The following DPP10 variants were observed in gnomAD, a reference collection of about 807,000 sequenced individuals.
DPP10 encodes inactive dipeptidyl peptidase 10.
In DPP10, 33 loss-of-function variants were observed where a neutral mutation model predicts 120.9. The observed-to-expected ratio is 0.27, with a 90% confidence interval of 0.21 to 0.37. The LOEUF (loss-of-function observed/expected upper bound fraction) is 0.37, where lower values mean the gene tolerates loss of function less well. Among genes scored for constraint, DPP10 ranks in the 10% least tolerant of loss-of-function variants. The probability of loss-of-function intolerance (pLI) is 1.00; values close to 1 mark genes in which losing one functional copy is unlikely to be tolerated. For missense variants in DPP10, 816 were observed against 942.8 expected (o/e 0.87, Z 1.76); for synonymous variants, 337 against 326.1 (o/e 1.03, Z -0.36).
chr2:114,867,453 GCTT>G (rs1690329400), intron 1 of DPP10, among the ~76,000 whole-genome samples: 2 of 152,068 alleles, frequency 1.3e-5, no homozygotes, highest in South Asian at 2.1e-4. Context: ...ATGCTTTTTA[GCTT>G]CTTCTGCCCT....
At chr2:115,595,302 A>G (rs934304002) in intron 5 of DPP10, among the ~76,000 whole-genome samples, 2 of 152,088 alleles carry the variant, frequency 1.3e-5, no homozygotes, top group Admixed American at 6.6e-5. Flanking sequence ...ATCTCTTACT[A>G]TTAACTGAAA....
At chr2:115,392,519 CTT>C (rs2106548039) in intron 3 of DPP10, among the ~76,000 whole-genome samples, 1 of 152,146 alleles carries the variant, frequency 6.6e-6, no homozygotes, top group East Asian at 1.9e-4. Context: ...CACTCATCCT[CTT>C]AATATCACAT....
intron 1 of DPP10, among the ~76,000 whole-genome samples, chr2:114,779,952 T>A (rs560398147): frequency 2.0e-5 from 3 of 151,924 alleles, no homozygotes; most frequent in Admixed American, 1.3e-4. Context: ...CTGGCTAACA[T>A]GGTGAAACCC....
chr2:115,149,209 T>C (rs1020861678), intron 1 of DPP10, among the ~76,000 whole-genome samples: 3 of 152,226 alleles, frequency 2.0e-5, no homozygotes, highest in Admixed American at 6.5e-5. Flanking sequence ...GCACTGAATC[T>C]TTCATCAGGA....
intron 3 of DPP10, among the ~76,000 whole-genome samples, chr2:115,381,962 C>T (rs1174889074): frequency 6.6e-6 from 1 of 152,128 alleles, no homozygotes; most frequent in Non-Finnish European, 1.5e-5. Flanking sequence ...TCAAAGCTGT[C>T]AGACAGGGAC....
chr2:115,312,881 A>C (rs1295545434), intron 2 of DPP10, among the ~76,000 whole-genome samples: 2 of 152,248 alleles, frequency 1.3e-5, no homozygotes, highest in African/African-American at 4.8e-5. Flanking sequence ...TCAGCAAGAC[A>C]CTGGGCCTTT....
At chr2:115,800,754 G>A (rs547495420) in intron 19 of DPP10, among the ~76,000 whole-genome samples, 8 of 152,130 alleles carry the variant, frequency 5.3e-5, no homozygotes, top group Middle Eastern at 3.4e-3. Context: ...GTAGATATAC[G>A]GCATTATTTC....
chr2:115,751,204 A>G (rs774014544), intron 10 of DPP10, among the ~76,000 whole-genome samples: 1 of 152,238 alleles, frequency 6.6e-6, no homozygotes, highest in Non-Finnish European at 1.5e-5. Context: ...AGTACTTACT[A>G]TCATTTTTCT....
chr2:115,062,734 G>A (rs1189635694), intron 1 of DPP10, among the ~76,000 whole-genome samples: 1 of 152,052 alleles, frequency 6.6e-6, no homozygotes, highest in African/African-American at 2.4e-5. Flanking sequence ...TCCTTTTTAT[G>A]GCTGCATAGT....
intron 1 of DPP10, among the ~76,000 whole-genome samples, chr2:115,302,835 T>G (rs946040411): frequency 6.6e-6 from 1 of 152,036 alleles, no homozygotes; most frequent in Non-Finnish European, 1.5e-5. Context: ...AAAAAATTAC[T>G]TTACTCAGCA....
intron 19 of DPP10, among the ~76,000 whole-genome samples, chr2:115,804,881 G>T (rs188092909): frequency 6.6e-6 from 1 of 152,190 alleles, no homozygotes; most frequent in Admixed American, 6.5e-5. Context: ...GGGGGTCAGG[G>T]ACCCACTTGA....
chr2:115,495,817 G>A (rs2076367247), intron 3 of DPP10, among the ~76,000 whole-genome samples: 1 of 152,106 alleles, frequency 6.6e-6, no homozygotes, highest in Non-Finnish European at 1.5e-5. Flanking sequence ...AGTCGAATGT[G>A]TGTTCAGAAT....
chr2:115,274,854 G>A (rs759724232), intron 1 of DPP10, among the ~76,000 whole-genome samples: 2 of 152,204 alleles, frequency 1.3e-5, no homozygotes, highest in Non-Finnish European at 2.9e-5. Flanking sequence ...CTTTCCTCTC[G>A]TTAAGCGTAA....
chr2:115,624,917 T>C (rs2085241041), intron 5 of DPP10, among the ~76,000 whole-genome samples: 1 of 152,064 alleles, frequency 6.6e-6, no homozygotes, highest in African/African-American at 2.4e-5. Context: ...AGTGGAACAG[T>C]TAGATGGGGT....
At chr2:115,621,263 T>G (rs575904937) in intron 5 of DPP10, among the ~76,000 whole-genome samples, 1 of 152,324 alleles carries the variant, frequency 6.6e-6, no homozygotes, top group South Asian at 2.1e-4. Context: ...AAGTGCTAGC[T>G]TTCAGAAGTG....
At chr2:114,937,055 T>G (rs1432351062) in intron 1 of DPP10, among the ~76,000 whole-genome samples, 12 of 152,210 alleles carry the variant, frequency 7.9e-5, no homozygotes. Context: ...GTCTGTGAAC[T>G]CTACTGATTA....
At chr2:114,709,274 C>A (rs1309542240) in intron 1 of DPP10, among the ~76,000 whole-genome samples, 1 of 152,162 alleles carries the variant, frequency 6.6e-6, no homozygotes, top group African/African-American at 2.4e-5. Flanking sequence ...CGTGATCTAC[C>A]TATTGACATC....
intron 1 of DPP10, among the ~76,000 whole-genome samples, chr2:114,613,959 G>A (rs1157759512): frequency 6.6e-6 from 1 of 152,034 alleles, no homozygotes; most frequent in African/African-American, 2.4e-5. Context: ...CATACACCAG[G>A]GCCTGTCGGG....
chr2:115,215,332 A>G (rs1029997583), intron 1 of DPP10, among the ~76,000 whole-genome samples: 3 of 152,214 alleles, frequency 2.0e-5, no homozygotes, highest in South Asian at 2.1e-4. Flanking sequence ...TATTTGACCA[A>G]TATGATTAAC....
Sources: allele counts gnomAD v4.1 joint callset (sites outside exome capture counted in the v4.1 genomes callset), GRCh38; gene constraint gnomAD v4.1.1; transcripts MANE v1.5; gene names NCBI Gene and HGNC (gene_info 2026-07-23, HGNC 2026-07-21).